METTL15: variants seen among roughly 807,000 people sequenced by gnomAD.
METTL15 encodes the protein 12S rRNA N(4)-cytidine methyltransferase METTL15.
A neutral mutation model predicts 38.3 loss-of-function variants in METTL15; 34 were observed. The observed-to-expected ratio is 0.89, with a 90% CI of 0.68 to 1.18. The LOEUF (loss-of-function observed/expected upper bound fraction) is 1.18. Among genes scored for constraint, METTL15 ranks in the 50% most tolerant of loss-of-function variants. The probability of loss-of-function intolerance (pLI) is 0.00; values close to 1 mark genes in which losing one functional copy is unlikely to be tolerated. For missense variants in METTL15, 438 were observed against 498.4 expected, an observed-to-expected ratio of 0.88 and a Z score of 1.15; for synonymous variants, 162 against 170.9, an observed-to-expected ratio of 0.95 and a Z score of 0.41.
intron 4 of METTL15, chr11:28,361,874 G>A (rs904347458): frequency 1.3e-5 from 2 of 152,056 alleles, no homozygotes; most frequent in East Asian, 1.9e-4. Flanking sequence ...TAAGACGGAC[G>A]TTAGTATCAG....
chr11:28,324,229 T>C (rs934656805), intron 6 of METTL15, among the ~76,000 whole-genome samples: 12 of 152,200 alleles, frequency 7.9e-5, no homozygotes, highest in Non-Finnish European at 1.5e-4. Context: ...TTACATGAAA[T>C]CTTAACAATA....
intron 5 of METTL15, among the ~76,000 whole-genome samples, chr11:28,375,301 T>A (rs1028774566): frequency 1.3e-5 from 2 of 149,108 alleles, no homozygotes; most frequent in African/African-American, 5.0e-5. Context: ...GGTCCTGGAC[T>A]CTTTTTGGTT....
At chr11:28,185,996 G>A (rs528964311) in intron 3 of METTL15, among the ~76,000 whole-genome samples, 21 of 150,678 alleles carry the variant, frequency 1.4e-4, no homozygotes, top group Middle Eastern at 3.4e-3. Context: ...GTCCTGTTTA[G>A]CAATGTTAAG....
At chr11:28,153,392 C>G (rs1270651086) in intron 3 of METTL15, among the ~76,000 whole-genome samples, 1 of 152,084 alleles carries the variant, frequency 6.6e-6, no homozygotes, top group Non-Finnish European at 1.5e-5. Flanking sequence ...CTGGCAAATT[C>G]AAGTTTTGGT....
chr11:28,322,332 A>G (rs567604900), intron 6 of METTL15, among the ~76,000 whole-genome samples: 1 of 152,246 alleles, frequency 6.6e-6, no homozygotes, highest in South Asian at 2.1e-4. Context: ...AGCAGAGACC[A>G]ACATCACATC....
At chr11:28,525,253 C>A (rs530603913) in intron 6 of METTL15, among the ~76,000 whole-genome samples, 11 of 152,182 alleles carry the variant, frequency 7.2e-5, no homozygotes, top group African/African-American at 2.4e-4. Flanking sequence ...CTTTTATTCT[C>A]TTTTCTGGCC....
At chr11:28,213,358 G>A (rs1852722124) in intron 4 of METTL15, among the ~76,000 whole-genome samples, 1 of 151,954 alleles carries the variant, frequency 6.6e-6, no homozygotes, top group Non-Finnish European at 1.5e-5. Context: ...AATCACTTTT[G>A]AACCTGATTT....
chr11:28,498,495 C>G (rs1417714151), intron 6 of METTL15, among the ~76,000 whole-genome samples: 1 of 152,132 alleles, frequency 6.6e-6, no homozygotes, highest in Admixed American at 6.6e-5. Flanking sequence ...CAGAGAAGCT[C>G]AATAGCATTT....
intron 3 of METTL15, among the ~76,000 whole-genome samples, chr11:28,174,981 T>A (rs1226537235): frequency 6.6e-6 from 1 of 151,948 alleles, no homozygotes; most frequent in African/African-American, 2.4e-5. Context: ...AGTTTTAGGG[T>A]ACATGTGCAC....
downstream of METTL15, among the ~76,000 whole-genome samples, chr11:28,527,651 T>C (rs1851821248): frequency 6.6e-6 from 1 of 152,180 alleles, no homozygotes; most frequent in South Asian, 2.1e-4. Context: ...TTTGAAAGCA[T>C]ATCATAGAGG....
chr11:28,130,059 C>T (rs985886157), intron 3 of METTL15, among the ~76,000 whole-genome samples: 1 of 152,126 alleles, frequency 6.6e-6, no homozygotes, highest in Non-Finnish European at 1.5e-5. Flanking sequence ...CATATAATCC[C>T]AGCCCTTTGA....
intron 6 of METTL15, among the ~76,000 whole-genome samples, chr11:28,509,511 A>G (rs1006918158): frequency 1.3e-5 from 2 of 151,270 alleles, no homozygotes; most frequent in African/African-American, 4.9e-5. Context: ...AGCAAGACTT[A>G]TCTTTTGGAT....
At chr11:28,502,722 C>G (rs1359318090) in intron 6 of METTL15, among the ~76,000 whole-genome samples, 2 of 151,948 alleles carry the variant, frequency 1.3e-5, no homozygotes, top group Non-Finnish European at 2.9e-5. Flanking sequence ...AGGCTTGTGA[C>G]CACTGGGATG....
At chr11:28,421,278 G>A (rs535674424) in intron 5 of METTL15, among the ~76,000 whole-genome samples, 7 of 151,890 alleles carry the variant, frequency 4.6e-5, no homozygotes, top group Middle Eastern at 3.4e-3. Context: ...GAATTTTACC[G>A]AACATTTAAA....
At chr11:28,339,612 A>C (rs1230679339) in intron 3 of METTL15, among the ~76,000 whole-genome samples, 2 of 152,034 alleles carry the variant, frequency 1.3e-5, no homozygotes, top group Non-Finnish European at 2.9e-5. Flanking sequence ...TCCCAAAAAG[A>C]GAGATGACCA....
intron 6 of METTL15, among the ~76,000 whole-genome samples, chr11:28,516,106 AAGT>A (rs1488471099): frequency 6.6e-6 from 1 of 152,234 alleles, no homozygotes; most frequent in Non-Finnish European, 1.5e-5. Context: ...TCAATCAAAT[AAGT>A]GAAACCACAT....
chr11:28,377,682 C>G (rs1247073381), intron 5 of METTL15, among the ~76,000 whole-genome samples: 1 of 152,224 alleles, frequency 6.6e-6, no homozygotes, highest in African/African-American at 2.4e-5. Context: ...CTCTGTCCAG[C>G]TTTGTTCCTT....
chr11:28,238,622 G>A (rs949029099), intron 4 of METTL15, among the ~76,000 whole-genome samples: 10 of 152,282 alleles, frequency 6.6e-5, no homozygotes, highest in East Asian at 1.9e-4. Context: ...ACTGTCCTGC[G>A]CCCACTGTCT....
At chr11:28,248,080 A>G (rs1314855109) in intron 4 of METTL15, among the ~76,000 whole-genome samples, 3 of 152,108 alleles carry the variant, frequency 2.0e-5, no homozygotes, top group African/African-American at 7.2e-5. Context: ...AAATCTTATC[A>G]TCCACTGGTT....
Sources: allele counts gnomAD v4.1 joint callset (sites outside exome capture counted in the v4.1 genomes callset), GRCh38; gene constraint gnomAD v4.1.1; transcripts MANE v1.5; gene names NCBI Gene and HGNC (gene_info 2026-07-23, HGNC 2026-07-21).